CADPS2: variants seen among roughly 807,000 people sequenced by gnomAD.
CADPS2 encodes calcium dependent secretion activator 2, also known as calcium-dependent secretion activator 2.
In CADPS2, 93 loss-of-function variants were observed where a neutral mutation model predicts 172.5. That is an observed-to-expected ratio of 0.54 (90% CI 0.46 to 0.64). The LOEUF (loss-of-function observed/expected upper bound fraction) is 0.64. CADPS2 is among the 30% of genes least tolerant of loss of function. CADPS2 has a pLI of 0.00. For synonymous variants in CADPS2, 546 were observed against 555.2 expected, an observed-to-expected ratio of 0.98 and a Z score of 0.23; for missense variants, 1,420 against 1,565.9, an observed-to-expected ratio of 0.91 and a Z score of 1.57.
At chr7:122,593,090 C>T (rs1329184009) in intron 6 of CADPS2, among the ~76,000 whole-genome samples, 1 of 151,852 alleles carries the variant, frequency 6.6e-6, no homozygotes, top group Non-Finnish European at 1.5e-5. Flanking sequence ...GCATGCAATA[C>T]AGTGAGGACA....
At chr7:122,871,425 C>T (rs963084960) in intron 1 of CADPS2, among the ~76,000 whole-genome samples, 7 of 151,594 alleles carry the variant, frequency 4.6e-5, no homozygotes, top group Admixed American at 1.3e-4. Context: ...AAAAGCACAA[C>T]AAATACATGC....
intron 27 of CADPS2, among the ~76,000 whole-genome samples, chr7:122,346,728 G>A (rs990780076): frequency 2.0e-5 from 3 of 152,162 alleles, no homozygotes; most frequent in Non-Finnish European, 2.9e-5. Flanking sequence ...AGTAGAGGAG[G>A]TAATACAATT....
At chr7:122,782,064 A>C (rs991908132) in intron 1 of CADPS2, among the ~76,000 whole-genome samples, 9 of 152,158 alleles carry the variant, frequency 5.9e-5, no homozygotes, top group African/African-American at 2.2e-4. Context: ...ACTATTTTAC[A>C]GTTGTATCAT....
rs201098995 is a variant in CADPS2 at position 122,701,937 on chromosome 7, G to A, written c.453+35018C>T. 5.2e-5 allele frequency: 84 copies of A among 1,613,278 alleles called. No homozygotes were observed. Among genetic ancestry groups the A allele is most frequent in the East Asian group, 1.1e-4 (5 of 44,880 alleles). On this transcript the variant is annotated intron_variant, in intron 2 of 29. Coordinates refer to ENST00000449022, the MANE Select transcript of CADPS2 (RefSeq NM_017954.11). ...AAAAAATGTTTGCAAGTTAAAATGC[G>A]TACTACATCTTGGGGTTTGTATGTG...
chr7:122,527,617 A>AGAGAGTGTGT lies in CADPS2; in HGVS notation c.1476-14303_1476-14302insACACACTCTC. Among the ~76,000 whole-genome samples the AGAGAGTGTGT allele has an allele frequency of 1.3e-3, 105 of 83,880 alleles. 1 individual carries two copies. The highest frequency in any genetic ancestry group is 4.4e-3 in the South Asian group (10 of 2,288). The allele number at this position is 83,880 out of a possible 152,430, so 55.0% of individuals were successfully genotyped here. On this transcript the variant is annotated intron_variant, in intron 8 of 29. Coordinates refer to ENST00000449022, the MANE Select transcript of CADPS2 (RefSeq NM_017954.11). ...GAGAGAGAGAGAGAGAGAGAGAGAGAGTGTGTGTGTGTGTGTGTGTGTGTG... is the reference window on the plus strand; with the variant it reads ...GAGAGAGAGAGAGAGAGAGAGAGAGAGAGAGTGTGTGTGTGTGTGTGTGTGTGTGTGTGTG...
chr7:122,731,021 G>C (rs893264289), intron 2 of CADPS2, among the ~76,000 whole-genome samples: 16 of 135,470 alleles, frequency 1.2e-4, no homozygotes, highest in Non-Finnish European at 9.4e-5. Flanking sequence ...AGGAATGAAG[G>C]AATTTGTCCC....
chr7:122,388,465 T>C (rs1585517021), intron 23 of CADPS2, 118 bp downstream of exon 23: 3 of 1,018,536 alleles, frequency 2.9e-6, no homozygotes, highest in South Asian at 2.4e-5. Context: ...TCATTAAATG[T>C]TGGAATAGTG....
chr7:122,511,445 T>C (rs2130795930), intron 9 of CADPS2, among the ~76,000 whole-genome samples: 1 of 152,222 alleles, frequency 6.6e-6, no homozygotes, highest in African/African-American at 2.4e-5. Flanking sequence ...AAGACTGATC[T>C]ACAAAAGCCT....
chr7:122,793,365 C>T (rs1272624809), intron 1 of CADPS2, among the ~76,000 whole-genome samples: 1 of 152,146 alleles, frequency 6.6e-6, no homozygotes, highest in Non-Finnish European at 1.5e-5. Flanking sequence ...GAATTGAGCC[C>T]TGTAACAATT....
chr7:122,698,877 G>C lies in CADPS2; in HGVS notation c.454-35308C>G, dbSNP rs867580063. 9 of 1,605,750 alleles carry C rather than the reference G, an allele frequency of 5.6e-6. No individual in the cohort carries two copies. In the Middle Eastern group the frequency reaches 1.5e-3, roughly 268 times the overall value. On this transcript the variant is annotated intron_variant, in intron 2 of 29. Coordinates refer to ENST00000449022, the MANE Select transcript of CADPS2 (RefSeq NM_017954.11). ...CACTGAACTTCATAAGCCAGGAAGA[G>C]GCAGTGTTGTTTCTCCAAGTGCCAA...
In CADPS2 at chr7:122,713,627, G is replaced by C. The variant is rs535037639; in HGVS notation, c.453+23328C>G. Among the ~76,000 whole-genome samples, 9 of 149,898 alleles carry C rather than the reference G, an allele frequency of 6.0e-5. No homozygotes were observed. The South Asian group carries it at 1.9e-3, about 32-fold the overall frequency. ...AGTTTCTATTTTGACATAAAATATTGGTAAAGAAAAAAAAAAGTGATAAGT... is the reference window on the plus strand; with the variant it reads ...AGTTTCTATTTTGACATAAAATATTCGTAAAGAAAAAAAAAAGTGATAAGT... On this transcript the variant is annotated intron_variant, in intron 2 of 29. Coordinates refer to ENST00000449022, the MANE Select transcript of CADPS2 (RefSeq NM_017954.11).
At chr7:122,362,067 T>C (rs1160664158) in intron 25 of CADPS2, among the ~76,000 whole-genome samples, 2 of 151,246 alleles carry the variant, frequency 1.3e-5, no homozygotes, top group East Asian at 1.9e-4. Flanking sequence ...AACTCTGCCT[T>C]AAAAAAGAAA....
chr7:122,333,554 C>T (rs982234654), intron 28 of CADPS2, among the ~76,000 whole-genome samples: 1 of 152,178 alleles, frequency 6.6e-6, no homozygotes, highest in Non-Finnish European at 1.5e-5. Flanking sequence ...TCTGTGTGGA[C>T]TTTATTCCCA....
At chr7:122,655,605 TAA>T (rs138866337) in intron 3 of CADPS2, among the ~76,000 whole-genome samples, 1 of 151,348 alleles carries the variant, frequency 6.6e-6, no homozygotes, top group Admixed American at 6.6e-5. Flanking sequence ...CAGTGTGAAA[TAA>T]AAAAAAATTG....
At chr7:122,347,950 A>G (rs2037943862) in intron 27 of CADPS2, among the ~76,000 whole-genome samples, 1 of 152,228 alleles carries the variant, frequency 6.6e-6, no homozygotes, top group African/African-American at 2.4e-5. Flanking sequence ...ACAATTTTCA[A>G]TACACAATAG....
intron 1 of CADPS2, among the ~76,000 whole-genome samples, chr7:122,862,797 A>T (rs2428901): frequency 0.44 from 66,538 of 151,856 alleles, 17,047 homozygotes; most frequent in African/African-American, 0.72. Flanking sequence ...TATCTGCACA[A>T]TTCCAAATAA....
intron 2 of CADPS2, among the ~76,000 whole-genome samples, chr7:122,721,525 T>G (rs56353151): frequency 0.41 from 62,088 of 151,162 alleles, 13,295 homozygotes; most frequent in Non-Finnish European, 0.48. Context: ...AATAACAGGC[T>G]CTGAAATTGA....
intron 7 of CADPS2, among the ~76,000 whole-genome samples, chr7:122,558,005 C>T (rs1219224729): frequency 6.6e-6 from 1 of 152,166 alleles, no homozygotes; most frequent in East Asian, 1.9e-4. Context: ...CGAAAGAAAT[C>T]AGAGCCCTAA....
chr7:122,439,071 T>A (rs952452887), intron 16 of CADPS2, among the ~76,000 whole-genome samples: 1 of 152,114 alleles, frequency 6.6e-6, no homozygotes, highest in African/African-American at 2.4e-5. Context: ...GTATCGAATG[T>A]TAAAATACAT....
Sources: gnomAD v4.1 joint callset for allele counts (sites outside exome capture counted in the v4.1 genomes callset) on GRCh38, gnomAD v4.1.1 for gene constraint, MANE v1.5 for transcripts, NCBI Gene and HGNC (gene_info 2026-07-23, HGNC 2026-07-21) for gene names.